PDS5B: variants seen among roughly 807,000 people sequenced by gnomAD.
PDS5B encodes the protein PDS5 cohesin associated factor B.
Under a neutral mutation model 184.1 loss-of-function variants are expected in PDS5B, and 51 were observed. The observed-to-expected ratio is 0.28, with a 90% CI of 0.22 to 0.35. The LOEUF (loss-of-function observed/expected upper bound fraction) is 0.35, where lower values mean the gene tolerates loss of function less well. Among genes scored for constraint, PDS5B ranks in the 10% least tolerant of loss-of-function variants. The pLI is 1.00. For missense variants in PDS5B, 1,180 were observed against 1,723.3 expected, an observed-to-expected ratio of 0.68 and a Z score of 5.58; for synonymous variants, 566 against 569.2, an observed-to-expected ratio of 0.99 and a Z score of 0.08.
chr13:32,715,641 C>T (rs1423747192), intron 19 of PDS5B, among the ~76,000 whole-genome samples: 1 of 151,708 alleles, frequency 6.6e-6, no homozygotes, highest in Non-Finnish European at 1.5e-5. Context: ...CTCTCCCTCT[C>T]CCTATCCCTC....
At chr13:32,662,351 C>T (rs1389519351) in intron 6 of PDS5B, among the ~76,000 whole-genome samples, 6 of 152,048 alleles carry the variant, frequency 3.9e-5, no homozygotes, top group African/African-American at 1.2e-4. Context: ...ATTCGTGTTC[C>T]ATTTTAACAT....
chr13:32,719,789 C>CA (rs1266360984), intron 19 of PDS5B, among the ~76,000 whole-genome samples: 2 of 150,762 alleles, frequency 1.3e-5, no homozygotes, highest in Non-Finnish European at 3.0e-5. Flanking sequence ...AAGACCCCCC[C>CA]CCCTTTTTTT....
Position 32,742,670 on chromosome 13 carries a change from G to T in PDS5B, c.2555G>T (p.Arg852Ile). 6.2e-7 allele frequency: 1 copy of T among 1,611,954 alleles called. No homozygotes were observed. Among genetic ancestry groups the T allele is most frequent in the Non-Finnish European group, 8.5e-7 (1 of 1,178,356 alleles). The stretch of plus-strand genomic sequence containing the variant: ...AGTAAATCAGGAACTTCTACCTTAA[G>T]ATTGCTAACAACAATATTGCATAGT... ...NHSKSGTSTLRLLTTILHSDG... is the reference protein window; with the variant it reads ...NHSKSGTSTLILLTTILHSDG... The change falls in exon 23 of 35, where the codon AGA (arginine) becomes ATA (isoleucine). Residue 852 changes from arginine to isoleucine, a missense_variant. Arg to Ile is a moderately conservative substitution (Grantham distance 97). Transcript: ENST00000315596.
At chr13:32,681,607 T>C (rs749251268) in intron 10 of PDS5B, among the ~76,000 whole-genome samples, 13 of 150,746 alleles carry the variant, frequency 8.6e-5, no homozygotes, top group Middle Eastern at 3.4e-3. Flanking sequence ...GCCTGGGCGA[T>C]AGAGCAAGAC....
intron 6 of PDS5B, 88 bp downstream of exon 6, chr13:32,659,368 C>T (rs894531869): frequency 1.6e-5 from 15 of 910,966 alleles, no homozygotes; most frequent in Non-Finnish European, 2.0e-5. Context: ...ATGGTTTATC[C>T]TGCTTTAATC....
At chr13:32,720,337 G>A (rs1952626898) in intron 19 of PDS5B, among the ~76,000 whole-genome samples, 1 of 152,110 alleles carries the variant, frequency 6.6e-6, no homozygotes, top group African/African-American at 2.4e-5. Context: ...TATGCTTCTA[G>A]GTTGGTAACG....
intron 28 of PDS5B, 33 bp from the exon 29 acceptor site, chr13:32,759,595 T>C: frequency 8.3e-7 from 1 of 1,206,956 alleles, no homozygotes; most frequent in Non-Finnish European, 1.2e-6. Flanking sequence ...TGTTTTAATA[T>C]TCACTGACTA....
At chr13:32,608,871 G>A (rs1441618943) in intron 1 of PDS5B, among the ~76,000 whole-genome samples, 1 of 152,186 alleles carries the variant, frequency 6.6e-6, no homozygotes. Context: ...GACAACATGT[G>A]AGAAAGTGGC....
chr13:32,764,359 T>A (rs1714095031), intron 30 of PDS5B, 130 bp from the exon 31 acceptor site: 1 of 430,652 alleles, frequency 2.3e-6, no homozygotes, highest in African/African-American at 2.1e-5. Context: ...CCAAATATGG[T>A]AGAATGAAAC....
At chr13:32,760,750 A>G in intron 30 of PDS5B, 30 bp downstream of exon 30, 1 of 1,596,744 alleles carries the variant, frequency 6.3e-7, no homozygotes. Context: ...CACAATTTAC[A>G]TTTAAGGATT....
chr13:32,612,790 A>G (rs2058163028), intron 1 of PDS5B, among the ~76,000 whole-genome samples: 1 of 152,184 alleles, frequency 6.6e-6, no homozygotes, highest in South Asian at 2.1e-4. Context: ...ATGTGGCAGT[A>G]AGAAGACCCT....
chr13:32,632,631 C>T (rs2058476295), intron 1 of PDS5B, among the ~76,000 whole-genome samples: 1 of 152,194 alleles, frequency 6.6e-6, no homozygotes, highest in Non-Finnish European at 1.5e-5. Flanking sequence ...ATAAACTTAG[C>T]AATTCCACTG....
At chr13:32,599,374 C>G (rs957505133) in intron 1 of PDS5B, among the ~76,000 whole-genome samples, 2 of 151,882 alleles carry the variant, frequency 1.3e-5, no homozygotes, top group Non-Finnish European at 2.9e-5. Context: ...AGCAATTCTC[C>G]TGCCTCAGCC....
intron 1 of PDS5B, among the ~76,000 whole-genome samples, chr13:32,608,007 C>T (rs2058086648): frequency 6.6e-6 from 1 of 152,152 alleles, no homozygotes; most frequent in Non-Finnish European, 1.5e-5. Flanking sequence ...CCTTGCGCTT[C>T]CCGGGTGAGG....
intron 3 of PDS5B, among the ~76,000 whole-genome samples, chr13:32,653,578 T>C (rs779571177): frequency 2.4e-4 from 36 of 152,160 alleles, no homozygotes; most frequent in Non-Finnish European, 4.0e-4. Flanking sequence ...CATGCTTGTT[T>C]TAAATTTTGA....
chr13:32,603,930 C>T (rs1198811996), intron 1 of PDS5B, among the ~76,000 whole-genome samples: 1 of 152,142 alleles, frequency 6.6e-6, no homozygotes, highest in African/African-American at 2.4e-5. Context: ...GATTTTGTAT[C>T]CTGAGACTTT....
At chr13:32,735,695 A>T (rs1049907292) in intron 21 of PDS5B, among the ~76,000 whole-genome samples, 1 of 152,150 alleles carries the variant, frequency 6.6e-6, no homozygotes, top group African/African-American at 2.4e-5. Context: ...ACCTTTTTCT[A>T]TATAAACTTG....
At chr13:32,692,414 C>T (rs1951577260) in intron 13 of PDS5B, among the ~76,000 whole-genome samples, 1 of 69,152 alleles carries the variant, frequency 1.4e-5, no homozygotes, top group African/African-American at 5.0e-5. Flanking sequence ...GTCCAAAAAG[C>T]CTTTTTTTTT....
chr13:32,761,560 A>G (rs994359146), intron 30 of PDS5B, among the ~76,000 whole-genome samples: 4 of 152,276 alleles, frequency 2.6e-5, no homozygotes, highest in Non-Finnish European at 5.9e-5. Context: ...ATAAGTGAGA[A>G]CATGCAGTAT....
Sources: gnomAD v4.1 joint callset for allele counts (sites outside exome capture counted in the v4.1 genomes callset) on GRCh38, gnomAD v4.1.1 for gene constraint, MANE v1.5 for transcripts, NCBI Gene and HGNC (gene_info 2026-07-23, HGNC 2026-07-21) for gene names.